Variants in SLC12A7 observed in about 807,000 individuals in gnomAD.
SLC12A7 encodes the protein solute carrier family 12 member 7, also known as K-Cl cotransporter 4.
In SLC12A7, 100 loss-of-function variants were observed where a neutral mutation model predicts 120.6. The observed-to-expected ratio is 0.83, with a 90% CI of 0.71 to 0.98. The LOEUF (loss-of-function observed/expected upper bound fraction) is 0.98. SLC12A7 is among the 50% of genes least tolerant of loss of function. SLC12A7 has a pLI of 0.00. For missense variants in SLC12A7, 1,373 were observed against 1,548.1 expected (o/e 0.89, Z 1.90); for synonymous variants, 760 against 678.0 (o/e 1.12, Z -1.88).
At chr5:1,149,398 G>A in the SLC12A7 span, among the ~76,000 whole-genome samples, 8 of 151,984 alleles carry the variant, frequency 5.3e-5, no homozygotes, top group Non-Finnish European at 1.0e-4. Context: ...CCAACATGGC[G>A]AAACCGCATC....
At chr5:1,130,240 G>A in the SLC12A7 span, among the ~76,000 whole-genome samples, 28 of 152,212 alleles carry the variant, frequency 1.8e-4, no homozygotes, top group East Asian at 1.4e-3. Flanking sequence ...CGCTTCAGTC[G>A]TAACCTGCAG....
rs145418821 is a variant in SLC12A7, at chr5:1,081,623, C to T, written c.1251G>A (p.Ala417=). The T allele has an allele frequency of 7.4e-5, 119 of 1,611,038 alleles. No individual in the cohort carries two copies. Among genetic ancestry groups the T allele is most frequent in the African/African-American group, 9.3e-5 (7 of 74,926 alleles). ...SALPYVLTDI[A]ASFTLLVGIY... is the part of the protein sequence containing the mutation. The stretch of plus-strand genomic sequence containing the variant: ...TGCCAACCAGCAGGGTGAAGGAGGC[C>T]GCGATGTCGGTGAGCACGTAGGGCA... The change falls in exon 9 of 24, where the codon GCG becomes GCA. Residue 417 remains alanine, a synonymous_variant. Coordinates refer to ENST00000264930, the MANE Select transcript of SLC12A7 (RefSeq NM_006598.3).
At chr5:1,129,086 T>C in the SLC12A7 span, among the ~76,000 whole-genome samples, 1 of 152,180 alleles carries the variant, frequency 6.6e-6, no homozygotes, top group Non-Finnish European at 1.5e-5. Flanking sequence ...CCAAGTCTGA[T>C]GGCCTCTAGA....
chr5:1,153,516 G>A, the SLC12A7 span, among the ~76,000 whole-genome samples: 4 of 152,344 alleles, frequency 2.6e-5, no homozygotes, highest in East Asian at 1.9e-4. Flanking sequence ...AGAATGAGGC[G>A]TGGAGGAGAC....
At chr5:1,121,971 G>A in the SLC12A7 span, among the ~76,000 whole-genome samples, 4 of 152,302 alleles carry the variant, frequency 2.6e-5, no homozygotes, top group East Asian at 3.9e-4. Context: ...CACACACTGC[G>A]CTGCAGGCAC....
intron 1 of SLC12A7, among the ~76,000 whole-genome samples, chr5:1,104,283 G>C (rs928487226): frequency 4.1e-4 from 63 of 152,348 alleles, no homozygotes; most frequent in African/African-American, 1.4e-3. Flanking sequence ...TGACAGGCTG[G>C]CTCCTGCCAA....
chr5:1,139,748 C>T, the SLC12A7 span, among the ~76,000 whole-genome samples: 1 of 152,170 alleles, frequency 6.6e-6, no homozygotes, highest in Admixed American at 6.5e-5. Context: ...CCCGGCAGGC[C>T]CCGTGTCTTT....
intron 21 of SLC12A7, among the ~76,000 whole-genome samples, chr5:1,059,772 T>TG (rs1313554168): frequency 2.0e-5 from 1 of 50,786 alleles, no homozygotes; most frequent in Non-Finnish European, 3.8e-5. Context: ...GGGTGGGGGG[T>TG]GGGGGGGTTG....
intron 23 of SLC12A7, 25 bp downstream of exon 23, chr5:1,053,321 TCAG>T (rs1735255881): frequency 1.2e-6 from 2 of 1,608,740 alleles, no homozygotes; most frequent in African/African-American, 2.7e-5. Flanking sequence ...GCCCGCACGC[TCAG>T]CAGGCACACT....
chr5:1,128,139 G>T, the SLC12A7 span, among the ~76,000 whole-genome samples: 15 of 152,374 alleles, frequency 9.8e-5, no homozygotes, highest in East Asian at 2.9e-3. Context: ...CAGGCTGGGA[G>T]TGGGCGTGGC....
the SLC12A7 span, among the ~76,000 whole-genome samples, chr5:1,136,938 C>T: frequency 3.8e-5 from 5 of 130,868 alleles, no homozygotes; most frequent in East Asian, 2.0e-4. Flanking sequence ...GACACACAGA[C>T]GTGCACACAT....
chr5:1,107,973 T>G (rs1383662701), intron 1 of SLC12A7, among the ~76,000 whole-genome samples: 1 of 151,988 alleles, frequency 6.6e-6, no homozygotes, highest in African/African-American at 2.4e-5. Flanking sequence ...CGTGACCCTC[T>G]GCTGTGGAGG....
intron 8 of SLC12A7, among the ~76,000 whole-genome samples, chr5:1,083,436 C>T (rs1240845822): frequency 1.3e-5 from 2 of 152,250 alleles, no homozygotes; most frequent in Admixed American, 6.5e-5. Flanking sequence ...CCAGCTACCA[C>T]TCCCTTCTTA....
the SLC12A7 span, among the ~76,000 whole-genome samples, chr5:1,154,917 C>A: frequency 2.0e-5 from 3 of 152,224 alleles, no homozygotes; most frequent in Non-Finnish European, 4.4e-5. Flanking sequence ...AGTGACAGCT[C>A]AGGGACATCT....
chr5:1,054,854 TCCACAGCAC>T (rs1561024877), intron 22 of SLC12A7, among the ~76,000 whole-genome samples: 1 of 152,226 alleles, frequency 6.6e-6, no homozygotes, highest in Admixed American at 6.5e-5. Flanking sequence ...GGGGTCTCTG[TCCACAGCAC>T]AGTCAAGGGG....
the SLC12A7 span, among the ~76,000 whole-genome samples, chr5:1,150,443 G>A: frequency 4.2e-4 from 64 of 152,320 alleles, no homozygotes; most frequent in African/African-American, 1.4e-3. Flanking sequence ...CCAGCCCACA[G>A]TGAGGACCCC....
chr5:1,073,340 G>A (rs1426608653), intron 17 of SLC12A7, among the ~76,000 whole-genome samples: 2 of 152,214 alleles, frequency 1.3e-5, no homozygotes, highest in Non-Finnish European at 2.9e-5. Flanking sequence ...TGAGCTTGCA[G>A]CAGAACCATG....
At chr5:1,062,700 AGGGACTGG>A (rs1375195177) in intron 20 of SLC12A7, among the ~76,000 whole-genome samples, 2 of 4,822 alleles carry the variant, frequency 4.1e-4, no homozygotes, top group African/African-American at 7.0e-4. Flanking sequence ...TGGGGGACTG[AGGGACTGG>A]GGGACTGGGG....
chr5:1,079,362 A>G, intron 10 of SLC12A7, 36 bp downstream of exon 10: 1 of 1,547,334 alleles, frequency 6.5e-7, no homozygotes, highest in Non-Finnish European at 8.9e-7. Flanking sequence ...CCCCAGGCAG[A>G]GGCTGGAACC....
Sources: gnomAD v4.1 joint callset for allele counts (sites outside exome capture counted in the v4.1 genomes callset) on GRCh38, gnomAD v4.1.1 for gene constraint, MANE v1.5 for transcripts, NCBI Gene and HGNC (gene_info 2026-07-23, HGNC 2026-07-21) for gene names.